The following KLC2 variants were observed in gnomAD, a reference collection of about 807,000 sequenced individuals.
KLC2 encodes the protein KLC 2.
KLC2 carries 35 observed loss-of-function variants against 75.1 expected under a neutral mutation model. The observed-to-expected ratio is 0.47, with a 90% CI of 0.36 to 0.62. The LOEUF (loss-of-function observed/expected upper bound fraction) is 0.62. KLC2 is among the 20% of genes least tolerant of loss of function. The pLI is 0.00. For synonymous variants in KLC2, 314 were observed against 336.7 expected (o/e 0.93, Z 0.74); for missense variants, 611 against 833.2 (o/e 0.73, Z 3.28).
chr11:66,247,502 G>A, the KLC2 span, among the ~76,000 whole-genome samples: 1 of 152,182 alleles, frequency 6.6e-6, no homozygotes, highest in African/African-American at 2.4e-5. Flanking sequence ...CTCAGCCTCA[G>A]GGCCTTTGCA....
upstream of KLC2, among the ~76,000 whole-genome samples, chr11:66,255,346 T>C (rs1855996059): frequency 1.3e-5 from 2 of 152,222 alleles, no homozygotes; most frequent in Non-Finnish European, 2.9e-5. Flanking sequence ...CACACCACCA[T>C]GCCTAGCTAG....
intron 11 of KLC2, 160 bp downstream of exon 11, chr11:66,265,395 T>A: frequency 1.4e-6 from 1 of 722,608 alleles, no homozygotes; most frequent in Non-Finnish European, 2.3e-6. Context: ...ATTCTCAGCC[T>A]AATTCTCTGG....
chr11:66,267,783 G>C lies in KLC2; in HGVS notation c.*827G>C, dbSNP rs1267446146. The C allele has an allele frequency of 4.4e-6, 2 of 450,508 alleles. No individual in the cohort carries two copies. Among genetic ancestry groups the C allele is most frequent in the Non-Finnish European group, 7.7e-6 (2 of 258,216 alleles). 27.9% of individuals were successfully genotyped at this position (450,508 alleles called of 1,614,324 possible). A position where few individuals can be genotyped will look rare whatever the true frequency, so the allele number is the denominator to read the frequency against. On this transcript the variant is annotated 3_prime_UTR_variant, in exon 16 of 16. Coordinates refer to ENST00000394067, the MANE Select transcript of KLC2 (RefSeq NM_001318734.2). ...CGACGGTCCCCTGGTGGCAGGAGGGGCTCCCCCTGTTGCGGGTGAGGCGGC... is the reference window on the plus strand; with the variant it reads ...CGACGGTCCCCTGGTGGCAGGAGGGCCTCCCCCTGTTGCGGGTGAGGCGGC...
At chr11:66,261,565 G>A (rs892494300) in intron 2 of KLC2, 177 bp from the exon 3 acceptor site, 4 of 586,082 alleles carry the variant, frequency 6.8e-6, no homozygotes, top group Non-Finnish European at 1.2e-5. Context: ...TTGCATTATG[G>A]TGTGTCGGGG....
At chr11:66,264,474 C>T in intron 9 of KLC2, 30 bp downstream of exon 9, 1 of 1,475,500 alleles carries the variant, frequency 6.8e-7, no homozygotes, top group Non-Finnish European at 9.5e-7. Context: ...GTGCCTCTAG[C>T]CCATCCATCC....
upstream of KLC2, among the ~76,000 whole-genome samples, chr11:66,255,130 G>A (rs201783881): frequency 3.9e-5 from 6 of 152,326 alleles, no homozygotes; most frequent in East Asian, 5.8e-4. Context: ...AGTCATGGTC[G>A]GATGTAGTCT....
At chr11:66,262,048 G>T (rs1856470816) in intron 3 of KLC2, 75 bp from the exon 4 acceptor site, 2 of 1,581,682 alleles carry the variant, frequency 1.3e-6, no homozygotes, top group African/African-American at 2.7e-5. Context: ...AGCAGATTCG[G>T]CTCCACCCCA....
Position 66,265,085 on chromosome 11 carries a change from G to A in KLC2, c.1266+13G>A, listed in dbSNP as rs367769656. The A allele has an allele frequency of 1.9e-4, 304 of 1,610,102 alleles. 3 individuals are homozygous for A. In the South Asian group the frequency reaches 3.0e-3, roughly 16 times the overall value. ...GGAGGAAAGCAAGGTAGCTCTGTGG[G>A]GCAGGCTGGGCGGTTGTCAGGGGAG... On this transcript the variant is annotated intron_variant, in intron 10 of 15. Transcript: ENST00000394067.
chr11:66,245,593 G>A, the KLC2 span, among the ~76,000 whole-genome samples: 1 of 152,260 alleles, frequency 6.6e-6, no homozygotes, highest in South Asian at 2.1e-4. Flanking sequence ...GCACGTGCCT[G>A]TAATCCCAGC....
chr11:66,265,577 A>T, intron 11 of KLC2, 78 bp from the exon 12 acceptor site: 1 of 1,208,834 alleles, frequency 8.3e-7, no homozygotes, highest in Non-Finnish European at 1.2e-6. Context: ...ATGCTTCCTC[A>T]GGGCCCACTG....
At chr11:66,251,033 A>G in the KLC2 span, among the ~76,000 whole-genome samples, 1 of 152,380 alleles carries the variant, frequency 6.6e-6, no homozygotes, top group South Asian at 2.1e-4. Context: ...ACACCGGGAG[A>G]AACAAGACCT....
In KLC2 at chr11:66,265,865, C is replaced by A. The variant is rs528791709; in HGVS notation, c.1455C>A (p.Pro485=). The A allele has an allele frequency of 4.4e-6, 7 of 1,575,234 alleles. No individual in the cohort carries two copies. In the Middle Eastern group the frequency reaches 1.2e-3, roughly 269 times the overall value. ...ASRNRKQGLD[P]ASQTKVVELL... ...TGCCCCTCCCTCAGGGTTTGGACCC[C>A]GCAAGCCAGACCAAGGTGGTAGAAC... The change falls in exon 13 of 16, where the codon CCC becomes CCA. Residue 485 remains proline, a synonymous_variant. Transcript: ENST00000394067.
chr11:66,245,813 C>T, the KLC2 span, among the ~76,000 whole-genome samples: 9 of 152,170 alleles, frequency 5.9e-5, no homozygotes, highest in African/African-American at 2.2e-4. Context: ...ACCCGGGAGG[C>T]GGAGGTTGCA....
In KLC2 at chr11:66,267,418, G is replaced by A. The variant is rs1484991617; in HGVS notation, c.*462G>A. ...CGGGCCTCCCCTCGTCCCTCTTCTA[G>A]TGGTACCGCCCAGGCCTTAATCACC... On this transcript the variant is annotated 3_prime_UTR_variant, in exon 16 of 16. Coordinates refer to ENST00000394067, the MANE Select transcript of KLC2 (RefSeq NM_001318734.2). 1.4e-6 allele frequency: 1 copy of A among 717,578 alleles called. No individual in the cohort carries two copies. Among genetic ancestry groups the A allele is most frequent in the Non-Finnish European group, 2.6e-6 (1 of 385,340 alleles). The allele number at this position is 717,578 out of a possible 1,614,324, so 44.5% of individuals were successfully genotyped here. A position where few individuals can be genotyped will look rare whatever the true frequency, so the allele number is the denominator to read the frequency against.
At chr11:66,258,475 G>A in intron 1 of KLC2, 109 bp from the exon 2 acceptor site, 2 of 710,886 alleles carry the variant, frequency 2.8e-6, no homozygotes, top group Non-Finnish European at 4.7e-6. Flanking sequence ...GGGGACCTGG[G>A]CACACGGGAG....
At chr11:66,251,816 A>T in the KLC2 span, among the ~76,000 whole-genome samples, 1 of 152,240 alleles carries the variant, frequency 6.6e-6, no homozygotes, top group Non-Finnish European at 1.5e-5. Context: ...GGACAGACTG[A>T]CTGTCCTGTG....
At chr11:66,248,217 A>G in the KLC2 span, among the ~76,000 whole-genome samples, 1 of 152,254 alleles carries the variant, frequency 6.6e-6, no homozygotes, top group Non-Finnish European at 1.5e-5. Context: ...AAAATAGTAG[A>G]AAGAGTGGCT....
At chr11:66,253,383 C>T (rs1855979176), upstream of KLC2, among the ~76,000 whole-genome samples, 1 of 152,186 alleles carries the variant, frequency 6.6e-6, no homozygotes, top group South Asian at 2.1e-4. Context: ...AAGCAGATTT[C>T]AGTGGGACGA....
chr11:66,258,406 A>G, intron 1 of KLC2, 178 bp from the exon 2 acceptor site: 1 of 592,558 alleles, frequency 1.7e-6, no homozygotes, highest in Non-Finnish European at 3.0e-6. Context: ...TCCCAGGCCT[A>G]GACAAGCTAG....
Sources: gnomAD v4.1 joint callset for allele counts (sites outside exome capture counted in the v4.1 genomes callset) on GRCh38, gnomAD v4.1.1 for gene constraint, MANE v1.5 for transcripts, NCBI Gene and HGNC (gene_info 2026-07-23, HGNC 2026-07-21) for gene names.